The following VAV2 variants were observed in gnomAD, a reference collection of about 807,000 sequenced individuals.
VAV2 encodes the protein guanine nucleotide exchange factor VAV2.
A neutral mutation model predicts 132.5 loss-of-function variants in VAV2; 67 were observed. The ratio of observed to expected loss-of-function variants is 0.51; its 90% CI spans 0.42 to 0.62. The LOEUF (loss-of-function observed/expected upper bound fraction) is 0.62, where lower values mean the gene tolerates loss of function less well. VAV2 is among the 20% of genes least tolerant of loss of function. The pLI is 0.00. For missense variants in VAV2, 938 were observed against 1,153.6 expected (o/e 0.81, Z 2.71); for synonymous variants, 492 against 443.5 (o/e 1.11, Z -1.37).
At chr9:133,873,564 C>T (rs1244603803) in intron 2 of VAV2, among the ~76,000 whole-genome samples, 1 of 152,196 alleles carries the variant, frequency 6.6e-6, no homozygotes, top group African/African-American at 2.4e-5. Flanking sequence ...AACGCCTGGA[C>T]CAATAGCCTC....
At chr9:133,957,166 C>T (rs1174874825) in intron 1 of VAV2, among the ~76,000 whole-genome samples, 2 of 152,166 alleles carry the variant, frequency 1.3e-5, no homozygotes, top group African/African-American at 2.4e-5. Flanking sequence ...AACTGAGGCT[C>T]GGCCTGGCAG....
chr9:133,943,121 C>G lies in VAV2; in HGVS notation c.205-3902G>C, dbSNP rs184178568. Among the ~76,000 whole-genome samples, 286 of 152,368 alleles carry G rather than the reference C, an allele frequency of 1.9e-3. 9 individuals carry two copies. Among genetic ancestry groups the G allele is most frequent in the Non-Finnish European group, 4.4e-5 (3 of 68,030 alleles). The stretch of plus-strand genomic sequence containing the variant: ...ATGTCGACATCGGCCAGGGCAAAGG[C>G]CCTCTGAGAGGACGGGCGTGTGGGC... On this transcript the variant is annotated intron_variant, in intron 1 of 29. Transcript: ENST00000371850.
chr9:133,992,174 C>T lies in VAV2; in HGVS notation c.105G>A (p.Gln35=). 6.3e-7 allele frequency: 1 copy of T among 1,599,780 alleles called. No individual in the cohort carries two copies. The change falls in exon 1 of 30, where the codon CAG becomes CAA. Residue 35 remains glutamine (Q), a synonymous_variant. Coordinates refer to ENST00000371850, the MANE Select transcript of VAV2 (RefSeq NM_001134398.2). The surrounding 1 kb of genome is among the most constrained non-coding windows in gnomAD (Gnocchi z 5.5). ...ACAGAAGGACCCCGTCGCGCAGCGC[C>T]TGCGCCAGGTCGAAGACCACGGCCG... ...WPSAVVFDLA[Q]ALRDGVLLCQ... is the part of the protein sequence containing the mutation.
At chr9:133,906,098 C>T (rs1259311885) in intron 2 of VAV2, among the ~76,000 whole-genome samples, 1 of 152,144 alleles carries the variant, frequency 6.6e-6, no homozygotes, top group African/African-American at 2.4e-5. Flanking sequence ...TTAGACCTTC[C>T]AGACGGTAAG....
In VAV2 at chr9:133,812,140, TGATGTCCTCGTA is replaced by T. The variant is rs1364148520; in HGVS notation, c.514_525del (p.Tyr172_Ile175del). On this transcript the variant is annotated inframe_deletion, in exon 5 of 30. Transcript: ENST00000371850. ...ATGGGCTGCTGCACCTCCACCTTGATGATGTCCTCGTAGATGTCGTCCCCTCCATCCTCACAC... is the reference window on the plus strand; with the variant it reads ...ATGGGCTGCTGCACCTCCACCTTGATGATGTCGTCCCCTCCATCCTCACAC... 6.2e-7 allele frequency: 1 copy of T among 1,613,870 alleles called. No homozygotes were observed. The highest frequency in any genetic ancestry group is 1.3e-5 in the African/African-American group (1 of 74,920).
At position 133,919,504 on chromosome 9, in the gene VAV2, G is replaced by A. The variant is rs1051569163; in HGVS notation, c.321+19599C>T. On this transcript the variant is annotated intron_variant, in intron 2 of 29. Transcript: ENST00000371850. The surrounding 1 kb of genome is among the most constrained non-coding windows in gnomAD (Gnocchi z 5.8). ...CCAGCCCAGGGACTCACTGTCCCCC[G>A]GGGCCAGGTCGGCTGGCAATTTCTA... Among the ~76,000 whole-genome samples the A allele has an allele frequency of 9.9e-5, 15 of 152,136 alleles. No homozygotes were observed. Among genetic ancestry groups the A allele is most frequent in the African/African-American group, 2.9e-4 (12 of 41,426 alleles).
chr9:133,790,938 C>A (rs1442598242), intron 13 of VAV2, among the ~76,000 whole-genome samples: 1 of 152,100 alleles, frequency 6.6e-6, no homozygotes, highest in East Asian at 1.9e-4. Flanking sequence ...ACCCAAAGGA[C>A]CCTCTGGTAA....
At chr9:133,797,034 G>T (rs1834746051) in intron 10 of VAV2, among the ~76,000 whole-genome samples, 1 of 152,198 alleles carries the variant, frequency 6.6e-6, no homozygotes, top group Non-Finnish European at 1.5e-5. Flanking sequence ...CATCTCTACT[G>T]GGGGGCCACG....
chr9:133,841,296 AG>A (rs748127543), intron 3 of VAV2, among the ~76,000 whole-genome samples: 13 of 151,654 alleles, frequency 8.6e-5, no homozygotes, highest in Non-Finnish European at 1.9e-4. Flanking sequence ...CCACCGCCCC[AG>A]GATCTGGCCA....
chr9:133,776,607 A>T (rs1199974980), intron 23 of VAV2, among the ~76,000 whole-genome samples: 1 of 152,148 alleles, frequency 6.6e-6, no homozygotes, highest in Non-Finnish European at 1.5e-5. Context: ...AGATGGGGAA[A>T]CTGAGGCCTG....
intron 1 of VAV2, among the ~76,000 whole-genome samples, chr9:133,972,253 C>A (rs1842359887): frequency 6.6e-6 from 1 of 152,192 alleles, no homozygotes; most frequent in South Asian, 2.1e-4. Context: ...AGATAAGGCA[C>A]CTGTCCTCAG....
chr9:133,773,096 C>T (rs149817986), intron 25 of VAV2, among the ~76,000 whole-genome samples: 69 of 129,936 alleles, frequency 5.3e-4, no homozygotes, highest in African/African-American at 2.1e-3. Flanking sequence ...CTAGGCTGGA[C>T]GGCAGAGCCT....
rs201648119 is a variant in VAV2, at chr9:133,831,573, C to CA, written c.449+2698dup. On this transcript the variant is annotated intron_variant, in intron 4 of 29. Transcript: ENST00000371850. ...GCCTGGCCATGTGGGGGCTGTAGTT[C>CA]AGGAAGTGTCCTGGGCTGAACACCC... is the stretch of plus-strand genomic sequence containing the variant. Among the ~76,000 whole-genome samples the CA allele has an allele frequency of 7.2e-3, 1,092 of 152,256 alleles. 14 individuals carry two copies. The highest frequency in any genetic ancestry group is 0.024 in the African/African-American group (1,000 of 41,546).
chr9:133,808,996 ACAGTGGCCGCTGCCATTTTC>A (rs763909388), intron 7 of VAV2, 24 bp downstream of exon 7: 8 of 1,578,858 alleles, frequency 5.1e-6, no homozygotes, highest in Non-Finnish European at 7.0e-6. Flanking sequence ...TGCAGTGACC[ACAGTGGCCGCTGCCATTTTC>A]CAGTGGCCGC....
At chr9:133,962,031 G>A (rs1178033718) in intron 1 of VAV2, among the ~76,000 whole-genome samples, 1 of 152,202 alleles carries the variant, frequency 6.6e-6, no homozygotes, top group Non-Finnish European at 1.5e-5. Flanking sequence ...CCTCATGGAA[G>A]CCAGAGGCTT....
Position 133,770,445 on chromosome 9 carries a change from G to A in VAV2, c.2280C>T (p.Asp760=). The part of the protein sequence containing the change: ...HSLKESFKQL[D]TTLKYPYKSR... ...ACTTGTAGGGGTACTTGAGTGTGGT[G>A]TCCAGCTGCTTGAAGCTCTCCTTCA... Residue 760 remains aspartate, a synonymous_variant, in exon 27 of 30, where the codon GAC becomes GAT. Transcript: ENST00000371850. 1.2e-6 allele frequency: 2 copies of A among 1,614,162 alleles called. No homozygotes were observed. Among genetic ancestry groups the A allele is most frequent in the Admixed American group, 1.7e-5 (1 of 60,028 alleles).
At chr9:133,989,261 C>A (rs1460476871) in intron 1 of VAV2, among the ~76,000 whole-genome samples, 1 of 151,820 alleles carries the variant, frequency 6.6e-6, no homozygotes, top group Non-Finnish European at 1.5e-5. Context: ...ATCGCTTGAA[C>A]CCGGGAGGTG....
Position 133,991,954 on chromosome 9 carries a change from G to T in VAV2, c.204+121C>A. ...CCTCCAGCCGCCCGCCCGCGTCCCG[G>T]AGCCCGGCCGCCCCAGCCAGGGCGC... On this transcript the variant is annotated intron_variant, in intron 1 of 29. Transcript: ENST00000371850. The surrounding 1 kb of genome is among the most constrained non-coding windows in gnomAD (Gnocchi z 4.8). The T allele has an allele frequency of 2.4e-6, 2 of 841,806 alleles. No individual in the cohort carries two copies. The highest frequency in any genetic ancestry group is 1.1e-4 in the South Asian group (2 of 18,096). The allele number at this position is 841,806 out of a possible 1,614,324, so 52.1% of individuals were successfully genotyped here.
chr9:133,919,832 C>T lies in VAV2; in HGVS notation c.321+19271G>A, dbSNP rs1220393640. Among the ~76,000 whole-genome samples, 6 of 152,290 alleles carry T rather than the reference C, an allele frequency of 3.9e-5. No homozygotes were observed. Among genetic ancestry groups the T allele is most frequent in the African/African-American group, 7.2e-5 (3 of 41,558 alleles). On this transcript the variant is annotated intron_variant, in intron 2 of 29. Transcript: ENST00000371850. The surrounding 1 kb of genome is among the most constrained non-coding windows in gnomAD (Gnocchi z 5.8). ...GCTGCCCCGACTGTCCCTGCCGCCC[C>T]GGCCACCCCTGCCTCACCCACCACC...
Sources: gnomAD v4.1 joint callset for allele counts (sites outside exome capture counted in the v4.1 genomes callset) on GRCh38, gnomAD v4.1.1 for gene constraint, Gnocchi (gnomAD v3.1) non-coding constraint, MANE v1.5 for transcripts, NCBI Gene and HGNC (gene_info 2026-07-23, HGNC 2026-07-21) for gene names.